The following KIF1B variants were observed in gnomAD, a reference collection of about 807,000 sequenced individuals.
KIF1B encodes kinesin family member 1B, also known as kinesin-like protein KIF1B.
KIF1B carries 76 observed loss-of-function variants against 241.9 expected under a neutral mutation model. The ratio of observed to expected loss-of-function variants is 0.31; its 90% confidence interval spans 0.26 to 0.38. KIF1B has a LOEUF of 0.38. Ranked by LOEUF, KIF1B falls within the 10% of genes least tolerant of loss-of-function variation. The pLI is 1.00. For synonymous variants in KIF1B, 750 were observed against 796.7 expected, an observed-to-expected ratio of 0.94 and a Z score of 0.99; for missense variants, 1,622 against 2,271.4, an observed-to-expected ratio of 0.71 and a Z score of 5.81.
intron 10 of KIF1B, among the ~76,000 whole-genome samples, chr1:10,273,319 C>A (rs112352735): frequency 6.6e-6 from 1 of 152,070 alleles, no homozygotes; most frequent in Non-Finnish European, 1.5e-5. Flanking sequence ...TTTGGGAGGC[C>A]AAGGCGGGCG....
rs1557700326 is a variant in KIF1B, at chr1:10,303,277, A to T, written c.2115+6031A>T. Reference sequence around the variant, plus strand: ...TCCCAGCAAGTTGCAAACCATTGTTAAAAAATGTGGCCTCCCAAGCAGTGG... The same window carrying T: ...TCCCAGCAAGTTGCAAACCATTGTTTAAAAATGTGGCCTCCCAAGCAGTGG... On this transcript the variant is annotated intron_variant, in intron 22 of 48. Transcript: ENST00000676179. The surrounding 1 kb of genome is among the most constrained non-coding windows in gnomAD (Gnocchi z 5.2). The T allele has an allele frequency of 6.2e-6, 10 of 1,614,196 alleles. No individual in the cohort carries two copies. Among genetic ancestry groups the T allele is most frequent in the Non-Finnish European group, 8.5e-6 (10 of 1,180,026 alleles).
intron 2 of KIF1B, among the ~76,000 whole-genome samples, chr1:10,250,309 C>T (rs1299360329): frequency 1.3e-5 from 2 of 151,226 alleles, no homozygotes; most frequent in Non-Finnish European, 2.9e-5. Context: ...TACCCAAGGT[C>T]GTAAAAAACA....
intron 36 of KIF1B, 120 bp from the exon 37 acceptor site, chr1:10,348,529 T>G: frequency 1.3e-6 from 1 of 753,882 alleles, no homozygotes; most frequent in South Asian, 1.5e-5. Flanking sequence ...GCATTTTCCG[T>G]CTTTCCACAC....
At chr1:10,342,870 C>A (rs548350087) in intron 33 of KIF1B, among the ~76,000 whole-genome samples, 1 of 152,028 alleles carries the variant, frequency 6.6e-6, no homozygotes, top group African/African-American at 2.4e-5. Context: ...AATTAGAAAG[C>A]GATGGTAATG....
rs148689743 is a variant in KIF1B, at chr1:10,348,072, A to G, written c.3864+245A>G. ...GCTATTTTGAAAAATATTTTGTTTC[A>G]TTCAATTACTCTAATTTGTGTAGCT... On this transcript the variant is annotated intron_variant, in intron 36 of 48. Transcript: ENST00000676179. Among the ~76,000 whole-genome samples the G allele has an allele frequency of 6.1e-3, 922 of 151,476 alleles. 12 individuals carry two copies. Among genetic ancestry groups the G allele is most frequent in the Admixed American group, 0.034 (512 of 15,224 alleles).
Position 10,381,027 on chromosome 1 carries a change from T to C in KIF1B, c.*4440T>C, listed in dbSNP as rs1639008401. ...GTTGCTATAAAATTCAGTAAAAAGC[T>C]CATAGCCAAACGGCTGTGCTCAGAT... On this transcript the variant is annotated 3_prime_UTR_variant, in exon 49 of 49. Transcript: ENST00000676179. 1 of 223,490 alleles carries C rather than the reference T, an allele frequency of 4.5e-6. No homozygotes were observed. Among genetic ancestry groups the C allele is most frequent in the Non-Finnish European group, 8.9e-6 (1 of 112,050 alleles). 13.8% of individuals were successfully genotyped at this position (223,490 alleles called of 1,614,324 possible).
Position 10,277,997 on chromosome 1 carries a change from G to A in KIF1B, c.1049G>A (p.Arg350His), listed in dbSNP as rs565984994. The change falls in exon 13 of 49, where the codon CGT becomes CAT. Residue 350 changes from arginine to histidine, a missense_variant. Coordinates refer to ENST00000676179, the MANE Select transcript of KIF1B (RefSeq NM_001365951.3). The part of the protein sequence containing the change: ...ETLSTLRYAD[R>H]AKQIKCNAVI... ...CTTTTTGGATCTAGATATGCAGATC[G>A]TGCAAAACAAATTAAATGCAATGCT... is the stretch of plus-strand genomic sequence containing the variant. 16 of 1,613,708 alleles carry A rather than the reference G, an allele frequency of 9.9e-6. No homozygotes were observed. The highest frequency in any genetic ancestry group is 5.0e-5 in the Admixed American group (3 of 59,978).
intron 38 of KIF1B, among the ~76,000 whole-genome samples, chr1:10,357,876 G>T (rs1463358284): frequency 1.3e-5 from 2 of 152,000 alleles, no homozygotes; most frequent in Non-Finnish European, 2.9e-5. Flanking sequence ...AGACTTGGTG[G>T]TGGGCGCCTG....
At chr1:10,269,823 AATAT>A (rs543663366) in intron 7 of KIF1B, among the ~76,000 whole-genome samples, 1 of 152,086 alleles carries the variant, frequency 6.6e-6, no homozygotes, top group Admixed American at 6.6e-5. Flanking sequence ...CGTCTCAAAA[AATAT>A]ATATATATTT....
intron 1 of KIF1B, among the ~76,000 whole-genome samples, chr1:10,212,731 G>GAATA (rs1219901262): frequency 6.6e-6 from 1 of 151,120 alleles, no homozygotes; most frequent in African/African-American, 2.4e-5. Context: ...AAAAATAAAT[G>GAATA]AATAAATAAA....
Position 10,378,792 on chromosome 1 carries a change from G to C in KIF1B, c.*2205G>C. 2 of 256,956 alleles carry C rather than the reference G, an allele frequency of 7.8e-6. No homozygotes were observed. Among genetic ancestry groups the C allele is most frequent in the African/African-American group, 2.2e-5 (1 of 46,018 alleles). 15.9% of individuals were successfully genotyped at this position (256,956 alleles called of 1,614,324 possible). Reference sequence around the variant, plus strand: ...CTGCATTGTGAAGAGGAGGAAAAGTGAATCACGGAGAGAGAAAGGAAAGGA... The same window carrying C: ...CTGCATTGTGAAGAGGAGGAAAAGTCAATCACGGAGAGAGAAAGGAAAGGA... On this transcript the variant is annotated 3_prime_UTR_variant, in exon 49 of 49. Coordinates refer to ENST00000676179, the MANE Select transcript of KIF1B (RefSeq NM_001365951.3).
At chr1:10,324,682 CG>C (rs1651659226) in intron 25 of KIF1B, 75 bp from the exon 26 acceptor site, 1 of 1,484,744 alleles carries the variant, frequency 6.7e-7, no homozygotes. Context: ...AAATCTTGAA[CG>C]GAAGATGCTT....
chr1:10,278,418 A>G (rs536136326), intron 13 of KIF1B: 6 of 345,776 alleles, frequency 1.7e-5, no homozygotes, highest in East Asian at 6.5e-5. Context: ...TAGATCAGCA[A>G]TGAAGTTTAT....
intron 7 of KIF1B, among the ~76,000 whole-genome samples, chr1:10,271,185 T>TA (rs1410868254): frequency 1.3e-5 from 2 of 151,940 alleles, no homozygotes; most frequent in South Asian, 2.1e-4. Context: ...TTTTTTTAAT[T>TA]AAAAAAAATT....
chr1:10,356,733 CT>C (rs923465756), intron 38 of KIF1B, among the ~76,000 whole-genome samples: 27 of 151,930 alleles, frequency 1.8e-4, no homozygotes, highest in African/African-American at 6.3e-4. Context: ...AGCCCCATGT[CT>C]ACTAAAAATA....
intron 14 of KIF1B, among the ~76,000 whole-genome samples, chr1:10,281,279 T>A (rs945734339): frequency 2.6e-4 from 39 of 152,192 alleles, no homozygotes; most frequent in Non-Finnish European, 4.8e-4. Flanking sequence ...ATTTTAAAGT[T>A]GGATTGCACC....
At position 10,295,670 on chromosome 1, in the gene KIF1B, G is replaced by C. The variant is rs141678186; in HGVS notation, c.1681G>C (p.Ala561Pro). Residue 561 changes from alanine to proline, a missense_variant, in exon 19 of 49, where the codon GCA becomes CCA. Coordinates refer to ENST00000676179, the MANE Select transcript of KIF1B (RefSeq NM_001365951.3). Reference sequence around the variant, plus strand: ...TTCTCTTGTGTTCAGGGTTGGCCAAGCAGATGCTGAGCGGCGCCAGGACAT... The same window carrying C: ...TTCTCTTGTGTTCAGGGTTGGCCAACCAGATGCTGAGCGGCGCCAGGACAT... ...IKDGITRVGQ[A>P]DAERRQDIVL... 1 of 1,613,744 alleles carries C rather than the reference G, an allele frequency of 6.2e-7. No individual in the cohort carries two copies. The highest frequency in any genetic ancestry group is 8.5e-7 in the Non-Finnish European group (1 of 1,179,862).
intron 2 of KIF1B, among the ~76,000 whole-genome samples, chr1:10,245,520 C>T (rs1371677524): frequency 1.3e-5 from 2 of 152,048 alleles, no homozygotes; most frequent in Non-Finnish European, 2.9e-5. Flanking sequence ...AATAAAAAAC[C>T]TGAAGACAAA....
rs999788308 is a variant in KIF1B, at chr1:10,378,851, G to A, written c.*2264G>A. The A allele has an allele frequency of 4.2e-6, 1 of 237,988 alleles. No homozygotes were observed. The highest frequency in any genetic ancestry group is 2.2e-5 in the African/African-American group (1 of 45,432). 14.7% of individuals were successfully genotyped at this position (237,988 alleles called of 1,614,324 possible). ...CAGGCTGCGTCTGCACCTGAAAAGT[G>A]ACCCGCGGAAACTCTATGGCGGATT... On this transcript the variant is annotated 3_prime_UTR_variant, in exon 49 of 49. Transcript: ENST00000676179.
Sources: allele counts gnomAD v4.1 joint callset (sites outside exome capture counted in the v4.1 genomes callset), GRCh38; gene constraint gnomAD v4.1.1; non-coding constraint Gnocchi (gnomAD v3.1); transcripts MANE v1.5; gene names NCBI Gene and HGNC (gene_info 2026-07-23, HGNC 2026-07-21).